SPINK2: variants seen among roughly 807,000 people sequenced by gnomAD.
The protein encoded by SPINK2 is serine protease inhibitor Kazal-type 2.
Under a neutral mutation model 13.5 loss-of-function variants are expected in SPINK2, and 8 were observed. The observed-to-expected ratio is 0.59, with a 90% CI of 0.35 to 1.07. The LOEUF (loss-of-function observed/expected upper bound fraction) is 1.07. Among genes scored for constraint, SPINK2 ranks in the 50% least tolerant of loss-of-function variants. The probability of loss-of-function intolerance (pLI) is 0.02; values close to 1 mark genes in which losing one functional copy is unlikely to be tolerated. For synonymous variants in SPINK2, 76 were observed against 74.7 expected, an observed-to-expected ratio of 1.02 and a Z score of -0.09; for missense variants, 148 against 180.3, an observed-to-expected ratio of 0.82 and a Z score of 1.03.
chr4:56,812,057 C>T (rs987059328), intron 2 of SPINK2, among the ~76,000 whole-genome samples: 11 of 151,040 alleles, frequency 7.3e-5, no homozygotes, highest in Non-Finnish European at 1.5e-4. Context: ...GCCTCCATGC[C>T]GCTAATTTTT....
chr4:56,820,734 G>C (rs766532660), intron 1 of SPINK2, among the ~76,000 whole-genome samples, 155 bp from the exon 2 acceptor site: 4 of 151,852 alleles, frequency 2.6e-5, no homozygotes, highest in Non-Finnish European at 4.4e-5. Context: ...GCCTCCCAAA[G>C]TGCTGGAATT....
intron 2 of SPINK2, among the ~76,000 whole-genome samples, chr4:56,819,412 C>T (rs528453247): frequency 7.9e-5 from 12 of 152,046 alleles, no homozygotes; most frequent in Non-Finnish European, 1.6e-4. Context: ...ATGACTAGTC[C>T]TTATATAAAA....
intron 2 of SPINK2, among the ~76,000 whole-genome samples, chr4:56,819,176 T>C (rs370233710): frequency 6.6e-6 from 1 of 152,174 alleles, no homozygotes; most frequent in Non-Finnish European, 1.5e-5. Flanking sequence ...AAGTATTTAT[T>C]ATTATGATGG....
chr4:56,814,653 T>C lies in SPINK2; in HGVS notation c.250-2859A>G, dbSNP rs570277383. ...GTTTAAAGGAACCTCCAAAACTCTT[T>C]TATGATTTTTTTTAAAAAAAAGAGG... On this transcript the variant is annotated intron_variant, in intron 2 of 3. Transcript: ENST00000506738. Among the ~76,000 whole-genome samples, 27 of 151,854 alleles carry C rather than the reference T, an allele frequency of 1.8e-4. 1 individual carries two copies. The South Asian group carries it at 5.6e-3, about 32-fold the overall frequency.
At chr4:56,813,912 C>G (rs1352352320) in intron 2 of SPINK2, among the ~76,000 whole-genome samples, 1 of 147,194 alleles carries the variant, frequency 6.8e-6, no homozygotes, top group Non-Finnish European at 1.5e-5. Flanking sequence ...AGCCACTGCA[C>G]CTGGCCCTTT....
chr4:56,818,863 T>C (rs73818290), intron 2 of SPINK2, among the ~76,000 whole-genome samples: 9,975 of 152,238 alleles, frequency 0.066, 590 homozygotes, highest in South Asian at 0.28. Flanking sequence ...ATTGGGCATC[T>C]GTGAGATGCT....
In SPINK2 at chr4:56,820,541, T is replaced by C. The variant is rs1302753331; in HGVS notation, c.244A>G (p.Arg82Gly). 1.2e-6 allele frequency: 2 copies of C among 1,610,762 alleles called. No individual in the cohort carries two copies. The highest frequency in any genetic ancestry group is 2.2e-5 in the East Asian group (1 of 44,868). The change falls in exon 2 of 4, where the codon AGA becomes GGA. Residue 82 changes from arginine (R) to glycine (G), a missense_variant. Arg to Gly is a moderately radical substitution (Grantham distance 125). Coordinates refer to ENST00000506738, the MANE Select transcript of SPINK2 (RefSeq NM_001271718.2). ...AGAAGTGGTTTGCTACTTACCGTTCTATATTTTGAAAACAGACCAAATTGA... is the reference window on the plus strand; with the variant it reads ...AGAAGTGGTTTGCTACTTACCGTTCCATATTTTGAAAACAGACCAAATTGA... ...IPQFGLFSKY[R>G]TPNCSQYRLP...
At chr4:56,812,057 C>A (rs987059328) in intron 2 of SPINK2, among the ~76,000 whole-genome samples, 1 of 151,040 alleles carries the variant, frequency 6.6e-6, no homozygotes, top group African/African-American at 2.4e-5. Context: ...GCCTCCATGC[C>A]GCTAATTTTT....
chr4:56,816,691 C>T (rs1229332920), intron 2 of SPINK2: 3 of 146,806 alleles, frequency 2.0e-5, no homozygotes, highest in East Asian at 2.0e-4. Flanking sequence ...ATCTATATAT[C>T]TATATATAGA....
chr4:56,816,436 G>A (rs1578433142), intron 2 of SPINK2, among the ~76,000 whole-genome samples: 1 of 151,838 alleles, frequency 6.6e-6, no homozygotes, highest in Non-Finnish European at 1.5e-5. Context: ...AGGATCACTT[G>A]AGGTCAGGAA....
At chr4:56,810,235 C>T in intron 3 of SPINK2, 51 bp from the exon 4 acceptor site, 1 of 1,496,044 alleles carries the variant, frequency 6.7e-7, no homozygotes, top group Non-Finnish European at 9.2e-7. Flanking sequence ...CATACTGAAA[C>T]TGTCTCATTA....
chr4:56,821,837 A>G, upstream of SPINK2: 2 of 543,382 alleles, frequency 3.7e-6, no homozygotes, highest in Admixed American at 5.6e-5. Flanking sequence ...CGGCGGGAAG[A>G]GGAGCCGTGA....
At chr4:56,820,099 C>G (rs963804474) in intron 2 of SPINK2, among the ~76,000 whole-genome samples, 5 of 152,166 alleles carry the variant, frequency 3.3e-5, no homozygotes, top group South Asian at 4.1e-4. Context: ...ATACCTGAAG[C>G]CATTCCTTTT....
chr4:56,814,244 T>C (rs190972371), intron 2 of SPINK2, among the ~76,000 whole-genome samples: 3 of 152,038 alleles, frequency 2.0e-5, no homozygotes, highest in South Asian at 2.1e-4. Flanking sequence ...TAACGCCTGA[T>C]GGTCTGAGTT....
chr4:56,821,770 G>C (rs1010047771), upstream of SPINK2: 3 of 1,198,834 alleles, frequency 2.5e-6, no homozygotes, highest in African/African-American at 1.7e-5. Flanking sequence ...GGCGGGGCGA[G>C]AATGGGAGGA....
chr4:56,817,868 A>G (rs1717587332), intron 2 of SPINK2, among the ~76,000 whole-genome samples: 1 of 152,072 alleles, frequency 6.6e-6, no homozygotes, highest in African/African-American at 2.4e-5. Context: ...AAAAAAAAAA[A>G]AGTGTGGCAC....
upstream of SPINK2, chr4:56,821,727 C>A (rs568449985): frequency 1.6e-4 from 213 of 1,345,708 alleles, no homozygotes; most frequent in African/African-American, 3.4e-3. Flanking sequence ...AGGGAGCGCT[C>A]GTGCGACGGG....
chr4:56,815,922 A>G (rs1368301715), intron 2 of SPINK2, among the ~76,000 whole-genome samples: 1 of 151,576 alleles, frequency 6.6e-6, no homozygotes, highest in Non-Finnish European at 1.5e-5. Context: ...TGGGCAACAT[A>G]GCAAGACCCC....
At position 56,816,943 on chromosome 4, in the gene SPINK2, G is replaced by A. The variant is rs755417261; in HGVS notation, c.249+3593C>T. 4.3e-4 allele frequency among the ~76,000 whole-genome samples: 66 copies of A among 151,902 alleles called. 1 individual carries two copies. The highest frequency in any genetic ancestry group is 8.7e-4 in the Non-Finnish European group (59 of 67,976). ...AGAAAGACCAGGTGCGGTGGCTCACGCCTATAACCCAGCACTTGGGGAGGC... is the reference window on the plus strand; with the variant it reads ...AGAAAGACCAGGTGCGGTGGCTCACACCTATAACCCAGCACTTGGGGAGGC... On this transcript the variant is annotated intron_variant, in intron 2 of 3. Coordinates refer to ENST00000506738, the MANE Select transcript of SPINK2 (RefSeq NM_001271718.2).
Sources: gnomAD v4.1 joint callset for allele counts (sites outside exome capture counted in the v4.1 genomes callset) on GRCh38, gnomAD v4.1.1 for gene constraint, MANE v1.5 for transcripts, NCBI Gene and HGNC (gene_info 2026-07-23, HGNC 2026-07-21) for gene names.